Variants in SEPTIN7 observed in about 807,000 individuals in gnomAD.
SEPTIN7 encodes septin-7.
SEPTIN7 carries 10 observed loss-of-function variants against 63.3 expected under a neutral mutation model. The ratio of observed to expected loss-of-function variants is 0.16; its 90% confidence interval spans 0.10 to 0.27. SEPTIN7 has a LOEUF of 0.27. SEPTIN7 is among the 10% of genes least tolerant of loss of function. SEPTIN7 has a pLI of 1.00. For synonymous variants in SEPTIN7, 131 were observed against 165.3 expected (o/e 0.79, Z 1.59); for missense variants, 310 against 521.0 (o/e 0.59, Z 3.94).
At chr7:35,874,067 T>TGA in intron 6 of SEPTIN7, 1 of 268,080 alleles carries the variant, frequency 3.7e-6, no homozygotes, top group Non-Finnish European at 6.9e-6. Context: ...GCTTTCATGT[T>TGA]GACCACTCTG....
At chr7:35,891,805 CTT>C (rs1271194345) in intron 11 of SEPTIN7, among the ~76,000 whole-genome samples, 1 of 152,054 alleles carries the variant, frequency 6.6e-6, no homozygotes, top group Non-Finnish European at 1.5e-5. Flanking sequence ...TTTTAAAAAA[CTT>C]TTTGGTTCTT....
At chr7:35,824,808 GT>G (rs1238150065) in intron 1 of SEPTIN7, among the ~76,000 whole-genome samples, 12 of 152,168 alleles carry the variant, frequency 7.9e-5, no homozygotes, top group African/African-American at 2.6e-4. Flanking sequence ...ACTAACTTTA[GT>G]TTTATATTTT....
chr7:35,806,498 A>G (rs12666886), intron 1 of SEPTIN7, among the ~76,000 whole-genome samples: 46,237 of 152,094 alleles, frequency 0.3, 7,201 homozygotes, highest in East Asian at 0.41. Context: ...CCAGGAGTCT[A>G]CATTTCCAAA....
intron 1 of SEPTIN7, among the ~76,000 whole-genome samples, chr7:35,812,481 A>G (rs574973815): frequency 1.1e-4 from 16 of 152,308 alleles, no homozygotes; most frequent in African/African-American, 3.8e-4. Context: ...TAAATGCACC[A>G]TCAACGTTAG....
At chr7:35,883,811 T>G in intron 8 of SEPTIN7, 80 bp from the exon 9 acceptor site, 4 of 738,218 alleles carry the variant, frequency 5.4e-6, no homozygotes, top group Non-Finnish European at 6.4e-6. Flanking sequence ...GGCTAACCTG[T>G]TGAGTAATGT....
chr7:35,897,708 C>T (rs765910014), intron 11 of SEPTIN7, among the ~76,000 whole-genome samples: 1 of 151,972 alleles, frequency 6.6e-6, no homozygotes, highest in Admixed American at 6.6e-5. Flanking sequence ...TCATAAGGGG[C>T]CTAGAAATAT....
intron 3 of SEPTIN7, among the ~76,000 whole-genome samples, chr7:35,854,222 ATC>A (rs1785091538): frequency 1.3e-5 from 2 of 152,204 alleles, no homozygotes; most frequent in South Asian, 4.1e-4. Flanking sequence ...TGTAGCATCT[ATC>A]TCATGGTATT....
In SEPTIN7 at chr7:35,850,431, G is replaced by C. The variant is rs191004244; in HGVS notation, c.170-13121G>C. On this transcript the variant is annotated intron_variant, in intron 3 of 13. Coordinates refer to ENST00000350320, the MANE Select transcript of SEPTIN7 (RefSeq NM_001788.6). ...GAAAAGCTCCACAGTGTGATCACCAGCTCCTCTCAGGCTTTCCTCTTGCCT... is the reference window on the plus strand; with the variant it reads ...GAAAAGCTCCACAGTGTGATCACCACCTCCTCTCAGGCTTTCCTCTTGCCT... 6.6e-5 allele frequency among the ~76,000 whole-genome samples: 10 copies of C among 152,312 alleles called. No homozygotes were observed. In the East Asian group the frequency reaches 1.7e-3, roughly 26 times the overall value.
chr7:35,911,980 A>G (rs369145375), downstream of SEPTIN7, among the ~76,000 whole-genome samples: 13 of 152,360 alleles, frequency 8.5e-5, no homozygotes, highest in South Asian at 8.3e-4. Flanking sequence ...TGTGATTTCA[A>G]TGATGATTGT....
intron 4 of SEPTIN7, among the ~76,000 whole-genome samples, chr7:35,870,882 A>G (rs1786104320): frequency 6.6e-6 from 1 of 151,728 alleles, no homozygotes; most frequent in Non-Finnish European, 1.5e-5. Flanking sequence ...ACACTGATGA[A>G]TCTGATTGTT....
At chr7:35,861,501 GTCT>G (rs1286654963) in intron 3 of SEPTIN7, among the ~76,000 whole-genome samples, 1 of 152,184 alleles carries the variant, frequency 6.6e-6, no homozygotes, top group East Asian at 1.9e-4. Flanking sequence ...AAAGCTTAAG[GTCT>G]TCTTTTCTGA....
At chr7:35,852,270 G>A (rs765678150) in intron 3 of SEPTIN7, among the ~76,000 whole-genome samples, 7 of 152,010 alleles carry the variant, frequency 4.6e-5, no homozygotes, top group Non-Finnish European at 7.4e-5. Flanking sequence ...GTTTGCCCAA[G>A]GTCACAAGAA....
chr7:35,883,559 A>G (rs1166195222), intron 8 of SEPTIN7, among the ~76,000 whole-genome samples: 1 of 140,872 alleles, frequency 7.1e-6, no homozygotes, highest in East Asian at 2.4e-4. Context: ...TTTTTCCCCC[A>G]AATGCCAATA....
chr7:35,895,880 G>T (rs1787931018), intron 11 of SEPTIN7, among the ~76,000 whole-genome samples: 1 of 152,136 alleles, frequency 6.6e-6, no homozygotes, highest in African/African-American at 2.4e-5. Flanking sequence ...GCACGATCTT[G>T]GCTCACTGCA....
chr7:35,880,885 G>A (rs1562572580), intron 7 of SEPTIN7, among the ~76,000 whole-genome samples: 2 of 151,838 alleles, frequency 1.3e-5, no homozygotes, highest in African/African-American at 4.8e-5. Context: ...AATTGTGTTT[G>A]GTTCGTTATA....
Position 35,801,278 on chromosome 7 carries a change from T to C in SEPTIN7, c.61+8T>C. ...TCAACAGCAGCACCATGGGTGAGTCTCAGCTTCGGGTGCCGCGACTTGGGG... is the reference window on the plus strand; with the variant it reads ...TCAACAGCAGCACCATGGGTGAGTCCCAGCTTCGGGTGCCGCGACTTGGGG... On this transcript the variant is annotated splice_region_variant and intron_variant, in intron 1 of 13. Transcript: ENST00000350320. The C allele has an allele frequency of 3.6e-6, 5 of 1,373,938 alleles. No individual in the cohort carries two copies. Among genetic ancestry groups the C allele is most frequent in the Non-Finnish European group, 4.7e-6 (5 of 1,069,672 alleles). 85.1% of individuals were successfully genotyped at this position (1,373,938 alleles called of 1,614,324 possible).
intron 4 of SEPTIN7, among the ~76,000 whole-genome samples, chr7:35,872,081 G>A (rs1786186484): frequency 6.6e-6 from 1 of 152,062 alleles, no homozygotes; most frequent in Non-Finnish European, 1.5e-5. Flanking sequence ...TCCAGAATGT[G>A]GAGTATCACA....
chr7:35,843,288 G>T (rs1446381185), intron 3 of SEPTIN7, among the ~76,000 whole-genome samples: 2 of 152,168 alleles, frequency 1.3e-5, no homozygotes, highest in South Asian at 2.1e-4. Context: ...TTCTTCTCAT[G>T]TGGATGCCCC....
chr7:35,832,927 G>T (rs1783902446), intron 3 of SEPTIN7, 27 bp downstream of exon 3: 4 of 1,342,078 alleles, frequency 3.0e-6, no homozygotes, highest in Middle Eastern at 1.9e-4. Context: ...TACTAAAATG[G>T]AACTTTGGTT....
Sources: gnomAD v4.1 joint callset for allele counts (sites outside exome capture counted in the v4.1 genomes callset) on GRCh38, gnomAD v4.1.1 for gene constraint, MANE v1.5 for transcripts, NCBI Gene and HGNC (gene_info 2026-07-23, HGNC 2026-07-21) for gene names.